PCDHGB3: variants seen among roughly 807,000 people sequenced by gnomAD.
PCDHGB3 encodes the protein protocadherin gamma-B3.
In PCDHGB3, 40 loss-of-function variants were observed where a neutral mutation model predicts 59.2. The observed-to-expected ratio is 0.68, with a 90% confidence interval of 0.52 to 0.88. PCDHGB3 has a LOEUF of 0.88. Ranked by LOEUF, PCDHGB3 falls within the 40% of genes least tolerant of loss-of-function variation. The probability of loss-of-function intolerance (pLI) is 0.00; values close to 1 mark genes in which losing one functional copy is unlikely to be tolerated. For synonymous variants in PCDHGB3, 581 were observed against 503.6 expected (o/e 1.15, Z -2.06); for missense variants, 1,309 against 1,187.9 (o/e 1.10, Z -1.50).
chr5:141,429,697 C>T (rs2097236349), intron 1 of PCDHGB3, among the ~76,000 whole-genome samples: 1 of 152,134 alleles, frequency 6.6e-6, no homozygotes, highest in African/African-American at 2.4e-5. Context: ...AATATCTTTA[C>T]AGTATAAATA....
At chr5:141,503,263 C>T (rs2099818883) in intron 2 of PCDHGB3, among the ~76,000 whole-genome samples, 2 of 152,212 alleles carry the variant, frequency 1.3e-5, no homozygotes, top group South Asian at 4.2e-4. Context: ...GCCACAACCC[C>T]AGCACCTGGC....
intron 1 of PCDHGB3, chr5:141,405,363 C>G (rs765508317): frequency 5.0e-6 from 8 of 1,613,808 alleles, no homozygotes; most frequent in Non-Finnish European, 6.8e-6. Context: ...ATAGAAGACA[C>G]CCCTTTGGTT....
chr5:141,419,980 G>T lies in PCDHGB3; in HGVS notation c.2415+47171G>T, dbSNP rs182372807. 1.1e-4 allele frequency: 180 copies of T among 1,614,080 alleles called. No individual in the cohort carries two copies. The East Asian group carries it at 1.1e-3, about 10-fold the overall frequency. On this transcript the variant is annotated intron_variant, in intron 1 of 3. Transcript: ENST00000576222. ...TTTCTGTGCTCTTTCTCCTCGCGGTGATTCTAGCTATTGCTCTACGCCTGC... is the reference window on the plus strand; with the variant it reads ...TTTCTGTGCTCTTTCTCCTCGCGGTTATTCTAGCTATTGCTCTACGCCTGC...
intron 1 of PCDHGB3, among the ~76,000 whole-genome samples, chr5:141,407,684 G>C (rs2094967978): frequency 6.6e-6 from 1 of 152,094 alleles, no homozygotes; most frequent in South Asian, 2.1e-4. Flanking sequence ...GATTGGCTTT[G>C]TGGTGATCAT....
Position 141,485,210 on chromosome 5 carries a change from C to G in PCDHGB3, c.2416-9597C>G. 2 of 1,614,058 alleles carry G rather than the reference C, an allele frequency of 1.2e-6. No individual in the cohort carries two copies. The highest frequency in any genetic ancestry group is 1.7e-6 in the Non-Finnish European group (2 of 1,179,934). On this transcript the variant is annotated intron_variant, in intron 1 of 3. Transcript: ENST00000576222. The surrounding 1 kb of genome is among the most constrained non-coding windows in gnomAD (Gnocchi z 5.7). ...GGTGAGAAGCTGGACAGAAATCTGG[C>G]GGTGGGCTACCCTTTTGTTCCTCTT...
At chr5:141,481,560 G>A (rs1594155886) in intron 1 of PCDHGB3, among the ~76,000 whole-genome samples, 1 of 152,212 alleles carries the variant, frequency 6.6e-6, no homozygotes, top group Non-Finnish European at 1.5e-5. Flanking sequence ...GCTCACGCCT[G>A]TAATCCCAGT....
Position 141,486,445 on chromosome 5 carries a change from G to A in PCDHGB3, c.2416-8362G>A. On this transcript the variant is annotated intron_variant, in intron 1 of 3. Coordinates refer to ENST00000576222, the MANE Select transcript of PCDHGB3 (RefSeq NM_018924.5). The surrounding 1 kb of genome is among the most constrained non-coding windows in gnomAD (Gnocchi z 5.0). ...AGGCCAAATCTAGCTATGACATCAT[G>A]GTCACTGCTTCTGATGCTGGGAACC... 6.2e-7 allele frequency: 1 copy of A among 1,613,948 alleles called. No homozygotes were observed. The highest frequency in any genetic ancestry group is 8.5e-7 in the Non-Finnish European group (1 of 1,179,862).
chr5:141,371,113 C>A lies in PCDHGB3; in HGVS notation c.719C>A (p.Pro240Gln). The A allele has an allele frequency of 6.2e-7, 1 of 1,613,950 alleles. No homozygotes were observed. Among genetic ancestry groups the A allele is most frequent in the Non-Finnish European group, 8.5e-7 (1 of 1,179,846 alleles). ...VIVADANDNP[P>Q]VFTQDMYRVN... is the part of the protein sequence containing the mutation. ...GTCGCAGATGCAAATGATAACCCCC[C>A]AGTATTTACTCAGGACATGTACAGG... Residue 240 changes from proline to glutamine, a missense_variant, in exon 1 of 4, where the codon CCA (proline) becomes CAA (glutamine). By Grantham distance (76) the Pro-to-Gln change is moderately conservative (BLOSUM62 -1). Coordinates refer to ENST00000576222, the MANE Select transcript of PCDHGB3 (RefSeq NM_018924.5).
chr5:141,413,721 C>T (rs779673406), intron 1 of PCDHGB3: 1 of 1,613,592 alleles, frequency 6.2e-7, no homozygotes, highest in South Asian at 1.1e-5. Context: ...ATAAGCACTT[C>T]TCCCTAAGAG....
intron 1 of PCDHGB3, chr5:141,408,651 C>T (rs373860648): frequency 6.2e-7 from 1 of 1,614,012 alleles, no homozygotes; most frequent in Non-Finnish European, 8.5e-7. Flanking sequence ...TCCGCTGGTA[C>T]ACGACTATCG....
intron 1 of PCDHGB3, among the ~76,000 whole-genome samples, chr5:141,407,257 T>C (rs1325198387): frequency 1.3e-5 from 2 of 152,240 alleles, no homozygotes; most frequent in Non-Finnish European, 2.9e-5. Context: ...CTCATATTTT[T>C]AACCATGCAA....
At chr5:141,412,133 C>T (rs2095537829) in intron 1 of PCDHGB3, 1 of 152,184 alleles carries the variant, frequency 6.6e-6, no homozygotes, top group African/African-American at 2.4e-5. Flanking sequence ...GGACTTTGGC[C>T]TCTGATACAA....
chr5:141,494,674 C>A lies in PCDHGB3; in HGVS notation c.2416-133C>A, dbSNP rs532644387. ...ATTTTGTCTTTGGAGATGAGTCCAC[C>A]CCTGCCCCCTCTTAGTCCGTTTTCT... is the stretch of plus-strand genomic sequence containing the variant. On this transcript the variant is annotated intron_variant, in intron 1 of 3. Transcript: ENST00000576222. 3.4e-5 allele frequency: 53 copies of A among 1,545,802 alleles called. No homozygotes were observed. In the African/African-American group the frequency reaches 6.5e-4, roughly 19 times the overall value.
chr5:141,413,793 C>G, intron 1 of PCDHGB3: 1 of 1,613,106 alleles, frequency 6.2e-7, no homozygotes, highest in South Asian at 1.1e-5. Context: ...CCCTAGATCG[C>G]GAGGAAGAGG....
chr5:141,444,282 C>T (rs1341316344), intron 1 of PCDHGB3, among the ~76,000 whole-genome samples: 1 of 148,268 alleles, frequency 6.7e-6, no homozygotes, highest in African/African-American at 2.5e-5. Flanking sequence ...AGTGATTCTC[C>T]TGCCTCAGCC....
At chr5:141,450,506 G>A (rs2098682958) in intron 1 of PCDHGB3, among the ~76,000 whole-genome samples, 2 of 151,914 alleles carry the variant, frequency 1.3e-5, no homozygotes, top group Admixed American at 6.6e-5. Context: ...TTTGTTTTGA[G>A]ATGGAGTCTC....
At position 141,476,015 on chromosome 5, in the gene PCDHGB3, C is replaced by A; in HGVS notation, c.2416-18792C>A. The A allele has an allele frequency of 7.4e-7, 1 of 1,344,728 alleles. No individual in the cohort carries two copies. The highest frequency in any genetic ancestry group is 1.0e-6 in the Non-Finnish European group (1 of 992,700). The allele number at this position is 1,344,728 out of a possible 1,614,324, so 83.3% of individuals were successfully genotyped here. A position where few individuals can be genotyped will look rare whatever the true frequency, so the allele number is the denominator to read the frequency against. ...ATCAACGGCATCCAGAAAGCCATGT[C>A]GGACTCGGCGCCCAGCGCCCAAGCG... On this transcript the variant is annotated intron_variant, in intron 1 of 3. Coordinates refer to ENST00000576222, the MANE Select transcript of PCDHGB3 (RefSeq NM_018924.5). This position sits in a 1 kb window ranked among gnomAD's most constrained non-coding sequence, Gnocchi z 7.6.
At chr5:141,392,744 CG>C (rs2092583694) in intron 1 of PCDHGB3, 1 of 1,439,038 alleles carries the variant, frequency 6.9e-7, no homozygotes, top group East Asian at 2.5e-5. Context: ...TCCATAGCTG[CG>C]GCAAGAAACT....
At chr5:141,466,058 C>T (rs970494567) in intron 1 of PCDHGB3, among the ~76,000 whole-genome samples, 2 of 152,046 alleles carry the variant, frequency 1.3e-5, no homozygotes, top group African/African-American at 4.8e-5. Flanking sequence ...GGAGACGGAG[C>T]TTGCAGTGAG....
Sources: gnomAD v4.1 joint callset for allele counts (sites outside exome capture counted in the v4.1 genomes callset) on GRCh38, gnomAD v4.1.1 for gene constraint, Gnocchi (gnomAD v3.1) non-coding constraint, MANE v1.5 for transcripts, NCBI Gene and HGNC (gene_info 2026-07-23, HGNC 2026-07-21) for gene names.